Variants in SLC35F1 observed in about 807,000 individuals in gnomAD.
SLC35F1 encodes solute carrier family 35 member F1, also known as chromosome 6 open reading frame 169.
SLC35F1 carries 14 observed loss-of-function variants against 48.7 expected under a neutral mutation model. The observed-to-expected ratio is 0.29, with a 90% CI of 0.19 to 0.45. The LOEUF is 0.45. Ranked by LOEUF, SLC35F1 falls within the 20% of genes least tolerant of loss-of-function variation. The pLI is 1.00. For missense variants in SLC35F1, 404 were observed against 500.0 expected, an observed-to-expected ratio of 0.81 and a Z score of 1.83; for synonymous variants, 190 against 202.2, an observed-to-expected ratio of 0.94 and a Z score of 0.51.
intron 1 of SLC35F1, among the ~76,000 whole-genome samples, chr6:117,950,191 C>T (rs1450100608): frequency 2.6e-5 from 4 of 152,166 alleles, no homozygotes; most frequent in African/African-American, 9.7e-5. Context: ...CACATTCTTT[C>T]CTAGCAACGA....
intron 1 of SLC35F1, among the ~76,000 whole-genome samples, chr6:118,146,582 T>G (rs1773976033): frequency 6.6e-6 from 1 of 152,216 alleles, no homozygotes; most frequent in African/African-American, 2.4e-5. Flanking sequence ...TTTTAAAAAC[T>G]AAAATTATCC....
intron 2 of SLC35F1, among the ~76,000 whole-genome samples, chr6:118,172,420 G>A (rs540941352): frequency 1.6e-4 from 25 of 151,988 alleles, no homozygotes; most frequent in South Asian, 6.2e-4. Context: ...TTTTATTAAC[G>A]TCTCATCCAA....
intron 1 of SLC35F1, among the ~76,000 whole-genome samples, chr6:118,106,988 G>T (rs1446766121): frequency 6.6e-6 from 1 of 152,142 alleles, no homozygotes; most frequent in African/African-American, 2.4e-5. Context: ...GCATCACTTT[G>T]TATAATTCTC....
chr6:118,219,323 A>G (rs1775115858), intron 2 of SLC35F1, among the ~76,000 whole-genome samples: 3 of 152,188 alleles, frequency 2.0e-5, no homozygotes, highest in Admixed American at 2.0e-4. Flanking sequence ...TAAGAGTGTA[A>G]CAGAAAAAGA....
At chr6:118,073,679 T>C (rs1250584852) in intron 1 of SLC35F1, among the ~76,000 whole-genome samples, 1 of 152,224 alleles carries the variant, frequency 6.6e-6, no homozygotes, top group East Asian at 1.9e-4. Context: ...GTAACATGAT[T>C]GAACAGATAC....
At chr6:117,964,277 C>A (rs768558422) in intron 1 of SLC35F1, among the ~76,000 whole-genome samples, 5 of 152,216 alleles carry the variant, frequency 3.3e-5, no homozygotes, top group Non-Finnish European at 7.3e-5. Context: ...TTTGCCCAGC[C>A]TTCACAACAT....
chr6:118,297,226 T>G (rs1026026445), intron 7 of SLC35F1, among the ~76,000 whole-genome samples: 4 of 152,198 alleles, frequency 2.6e-5, no homozygotes, highest in Non-Finnish European at 5.9e-5. Context: ...ATATAACCCC[T>G]ATGGTTTTTA....
intron 4 of SLC35F1, among the ~76,000 whole-genome samples, chr6:118,273,822 C>T (rs1775887461): frequency 6.6e-6 from 1 of 152,212 alleles, no homozygotes; most frequent in South Asian, 2.1e-4. Flanking sequence ...CTCACAAAAT[C>T]CCATTCTCAG....
At chr6:117,941,671 A>G (rs575467884) in intron 1 of SLC35F1, among the ~76,000 whole-genome samples, 1 of 152,228 alleles carries the variant, frequency 6.6e-6, no homozygotes, top group Non-Finnish European at 1.5e-5. Context: ...ATTGCAATAG[A>G]TTAGTTTTCA....
At chr6:118,253,542 C>G (rs894792681) in intron 3 of SLC35F1, among the ~76,000 whole-genome samples, 8 of 151,988 alleles carry the variant, frequency 5.3e-5, no homozygotes, top group Admixed American at 5.2e-4. Context: ...CAAAGAGTGG[C>G]ACATGTAGAA....
chr6:117,914,412 A>G (rs1173206700), intron 1 of SLC35F1, among the ~76,000 whole-genome samples: 2 of 152,234 alleles, frequency 1.3e-5, no homozygotes, highest in Non-Finnish European at 2.9e-5. Context: ...AATTATATAC[A>G]GATTTAGAGT....
chr6:118,080,593 T>C (rs1439375480), intron 1 of SLC35F1, among the ~76,000 whole-genome samples: 1 of 152,226 alleles, frequency 6.6e-6, no homozygotes, highest in Non-Finnish European at 1.5e-5. Context: ...TGATTTCTGA[T>C]GGCTTTGCTG....
chr6:118,215,577 C>A (rs772566571), intron 2 of SLC35F1, among the ~76,000 whole-genome samples: 8 of 151,956 alleles, frequency 5.3e-5, no homozygotes, highest in Middle Eastern at 6.3e-3. Flanking sequence ...TGGGAAATGG[C>A]AGAAATGACG....
chr6:118,085,074 C>A (rs545587970), intron 1 of SLC35F1, among the ~76,000 whole-genome samples: 1 of 147,478 alleles, frequency 6.8e-6, no homozygotes, highest in African/African-American at 2.5e-5. Context: ...CTGGGCCAAG[C>A]AGTTAGAACG....
chr6:118,046,508 C>T (rs996818596), intron 1 of SLC35F1, among the ~76,000 whole-genome samples: 11 of 152,070 alleles, frequency 7.2e-5, no homozygotes, highest in Admixed American at 2.0e-4. Context: ...GAACAGCTTT[C>T]GTTTGAGTTT....
intron 1 of SLC35F1, among the ~76,000 whole-genome samples, chr6:118,090,679 C>A (rs1773060230): frequency 6.6e-6 from 1 of 152,122 alleles, no homozygotes; most frequent in African/African-American, 2.4e-5. Context: ...GAAGGGTTGG[C>A]AGAATCCAGA....
At chr6:118,212,790 GGAA>G (rs1562327128) in intron 2 of SLC35F1, among the ~76,000 whole-genome samples, 6 of 139,412 alleles carry the variant, frequency 4.3e-5, no homozygotes, top group Admixed American at 3.5e-4. Flanking sequence ...AAGGAAGGAA[GGAA>G]AGAAGGAAGG....
At chr6:117,947,377 G>C (rs1206960892) in intron 1 of SLC35F1, among the ~76,000 whole-genome samples, 1 of 152,120 alleles carries the variant, frequency 6.6e-6, no homozygotes. Flanking sequence ...ATTGGAGAAG[G>C]GCCCCGCAAA....
intron 1 of SLC35F1, among the ~76,000 whole-genome samples, chr6:118,029,223 A>G (rs1772004806): frequency 6.6e-6 from 1 of 152,118 alleles, no homozygotes; most frequent in African/African-American, 2.4e-5. Context: ...CCTTAGAAAA[A>G]GTCATTGGTG....
Sources: gnomAD v4.1 joint callset for allele counts (sites outside exome capture counted in the v4.1 genomes callset) on GRCh38, gnomAD v4.1.1 for gene constraint, MANE v1.5 for transcripts, NCBI Gene and HGNC (gene_info 2026-07-23, HGNC 2026-07-21) for gene names.